LINGO2: variants seen among roughly 807,000 people sequenced by gnomAD.
LINGO2 encodes the protein leucine-rich repeat and immunoglobulin-like domain-containing nogo receptor-interacting protein 2.
In LINGO2, 14 loss-of-function variants were observed where a neutral mutation model predicts 30.6. That is an observed-to-expected ratio of 0.46 (90% CI 0.30 to 0.72). The LOEUF (loss-of-function observed/expected upper bound fraction) is 0.72, where lower values mean the gene tolerates loss of function less well. Ranked by LOEUF, LINGO2 falls within the 30% of genes least tolerant of loss-of-function variation. The pLI is 0.07. For missense variants in LINGO2, 729 were observed against 751.7 expected, an observed-to-expected ratio of 0.97 and a Z score of 0.35; for synonymous variants, 317 against 288.5, an observed-to-expected ratio of 1.10 and a Z score of -1.00.
At chr9:28,529,688 TA>T (rs1169981820) in intron 1 of LINGO2, among the ~76,000 whole-genome samples, 1 of 151,718 alleles carries the variant, frequency 6.6e-6, no homozygotes, top group East Asian at 1.9e-4. Flanking sequence ...TGTCTGCCTT[TA>T]AAAAGGTGGA....
At chr9:28,712,064 G>T in the LINGO2 span, among the ~76,000 whole-genome samples, 7 of 152,022 alleles carry the variant, frequency 4.6e-5, no homozygotes, top group South Asian at 4.2e-4. Context: ...ATATAAAAAA[G>T]ATTTAAGAAA....
At chr9:28,829,237 C>G in the LINGO2 span, among the ~76,000 whole-genome samples, 1 of 152,122 alleles carries the variant, frequency 6.6e-6, no homozygotes, top group African/African-American at 2.4e-5. Flanking sequence ...GAATACCTTC[C>G]CACTCCATCC....
At chr9:29,005,168 T>G in the LINGO2 span, among the ~76,000 whole-genome samples, 1 of 152,032 alleles carries the variant, frequency 6.6e-6, no homozygotes, top group Non-Finnish European at 1.5e-5. Context: ...AGATTTCATG[T>G]GTCAAAGCAC....
chr9:28,329,879 T>G lies in LINGO2; in HGVS notation c.-245-34513A>C, dbSNP rs1376418785. Among the ~76,000 whole-genome samples, 1 of 152,202 alleles carries G rather than the reference T, an allele frequency of 6.6e-6. No individual in the cohort carries two copies. Among genetic ancestry groups the G allele is most frequent in the Admixed American group, 6.5e-5 (1 of 15,278 alleles). The stretch of plus-strand genomic sequence containing the variant: ...TGTGTATAGCTCTATGAAACTTTAT[T>G]TGTCTATTTGTGTATTTAGCTCTTC... On this transcript the variant is annotated intron_variant, in intron 3 of 5. Transcript: ENST00000379992. This position sits in a 1 kb window ranked among gnomAD's most constrained non-coding sequence, Gnocchi z 4.5.
the LINGO2 span, among the ~76,000 whole-genome samples, chr9:28,955,174 T>TAC: frequency 6.6e-6 from 1 of 151,208 alleles, no homozygotes; most frequent in Admixed American, 6.6e-5. Flanking sequence ...AGAGTCGAAA[T>TAC]AGAGAGAGAG....
intron 4 of LINGO2, among the ~76,000 whole-genome samples, chr9:28,248,015 T>C (rs1225008829): frequency 6.6e-6 from 1 of 152,184 alleles, no homozygotes; most frequent in African/African-American, 2.4e-5. Context: ...GGTTGGAATG[T>C]AAATTGGTAC....
chr9:28,436,645 G>T (rs1277559945), intron 2 of LINGO2, among the ~76,000 whole-genome samples: 2 of 151,996 alleles, frequency 1.3e-5, no homozygotes, highest in Non-Finnish European at 2.9e-5. Context: ...TTTTAGTAGA[G>T]ACGGGGTTTC....
At chr9:28,898,836 G>T in the LINGO2 span, among the ~76,000 whole-genome samples, 1 of 151,980 alleles carries the variant, frequency 6.6e-6, no homozygotes, top group Non-Finnish European at 1.5e-5. Flanking sequence ...CTTAGTGTCT[G>T]GTAATAAAAT....
At chr9:28,022,586 T>C (rs1246404941) in intron 4 of LINGO2, among the ~76,000 whole-genome samples, 1 of 151,806 alleles carries the variant, frequency 6.6e-6, no homozygotes, top group Non-Finnish European at 1.5e-5. Flanking sequence ...GTGGACTTTT[T>C]CCCTTTCAAC....
chr9:28,141,615 A>C (rs1827674117), intron 4 of LINGO2, among the ~76,000 whole-genome samples: 1 of 152,178 alleles, frequency 6.6e-6, no homozygotes, highest in African/African-American at 2.4e-5. Flanking sequence ...ATGGAATTTC[A>C]CTATTAAACA....
the LINGO2 span, among the ~76,000 whole-genome samples, chr9:28,906,279 T>C: frequency 0.74 from 112,654 of 151,846 alleles, 41,927 homozygotes; most frequent in Non-Finnish European, 0.78. Context: ...TTATGAAAAT[T>C]GCTATGAAAA....
At chr9:28,201,060 T>C (rs1223252583) in intron 4 of LINGO2, among the ~76,000 whole-genome samples, 2 of 151,710 alleles carry the variant, frequency 1.3e-5, no homozygotes, top group Non-Finnish European at 2.9e-5. Context: ...TGAGACTTGA[T>C]TTCTTGATAT....
intron 3 of LINGO2, among the ~76,000 whole-genome samples, chr9:28,311,088 A>G (rs1824598728): frequency 1.3e-5 from 2 of 152,140 alleles, no homozygotes; most frequent in Non-Finnish European, 2.9e-5. Context: ...TACAAAAGAG[A>G]GAAATTTTAA....
At chr9:28,442,145 A>T (rs1587680856) in intron 2 of LINGO2, among the ~76,000 whole-genome samples, 1 of 151,758 alleles carries the variant, frequency 6.6e-6, no homozygotes, top group Non-Finnish European at 1.5e-5. Flanking sequence ...AGTTTTGCAA[A>T]TTATAAAAAA....
the LINGO2 span, among the ~76,000 whole-genome samples, chr9:28,812,831 G>C: frequency 6.6e-6 from 1 of 152,114 alleles, no homozygotes; most frequent in African/African-American, 2.4e-5. Flanking sequence ...GCAATCCTAA[G>C]TGACATGATA....
intron 4 of LINGO2, among the ~76,000 whole-genome samples, chr9:28,211,300 T>C (rs1820583405): frequency 1.3e-5 from 2 of 150,482 alleles, no homozygotes; most frequent in South Asian, 4.2e-4. Context: ...TTTTTTTTTT[T>C]TTTTAGTTTG....
chr9:28,540,443 G>T (rs1366629315), intron 1 of LINGO2, among the ~76,000 whole-genome samples: 1 of 151,834 alleles, frequency 6.6e-6, no homozygotes, highest in African/African-American at 2.4e-5. Context: ...GTATTTTTTT[G>T]TAGAGACAGG....
At chr9:29,183,220 A>G in the LINGO2 span, among the ~76,000 whole-genome samples, 1 of 152,212 alleles carries the variant, frequency 6.6e-6, no homozygotes, top group African/African-American at 2.4e-5. Context: ...CAGAGACAAG[A>G]GATTTTGTTT....
At chr9:28,533,610 A>T (rs950006397) in intron 1 of LINGO2, among the ~76,000 whole-genome samples, 1 of 152,196 alleles carries the variant, frequency 6.6e-6, no homozygotes. Context: ...GGCCTATGTT[A>T]TCTGTCAGTG....
Sources: gnomAD v4.1 joint callset for allele counts (sites outside exome capture counted in the v4.1 genomes callset) on GRCh38, gnomAD v4.1.1 for gene constraint, Gnocchi (gnomAD v3.1) non-coding constraint, MANE v1.5 for transcripts, NCBI Gene and HGNC (gene_info 2026-07-23, HGNC 2026-07-21) for gene names.